TGFBRAP1: variants seen among roughly 807,000 people sequenced by gnomAD.
The protein encoded by TGFBRAP1 is transforming growth factor beta receptor associated protein 1, also known as transforming growth factor-beta receptor-associated protein 1.
TGFBRAP1 carries 20 observed loss-of-function variants against 83.2 expected under a neutral mutation model. The observed-to-expected ratio is 0.24, with a 90% CI of 0.17 to 0.35. TGFBRAP1 has a LOEUF of 0.35. TGFBRAP1 is among the 10% of genes least tolerant of loss of function. TGFBRAP1 has a pLI of 1.00. For missense variants in TGFBRAP1, 950 were observed against 1,099.4 expected (o/e 0.86, Z 1.92); for synonymous variants, 415 against 459.8 (o/e 0.90, Z 1.25).
the TGFBRAP1 span, among the ~76,000 whole-genome samples, chr2:105,253,833 A>C: frequency 6.6e-6 from 1 of 152,238 alleles, no homozygotes; most frequent in East Asian, 1.9e-4. Flanking sequence ...CAGTGTGTTT[A>C]TTGGAGGGTT....
At chr2:105,294,131 T>C (rs1678003506) in intron 4 of TGFBRAP1, among the ~76,000 whole-genome samples, 1 of 152,168 alleles carries the variant, frequency 6.6e-6, no homozygotes, top group South Asian at 2.1e-4. Context: ...GTCTGTGAAA[T>C]GAGGACAATT....
At chr2:105,285,800 A>C (rs1677698462) in intron 4 of TGFBRAP1, among the ~76,000 whole-genome samples, 1 of 152,232 alleles carries the variant, frequency 6.6e-6, no homozygotes, top group Non-Finnish European at 1.5e-5. Context: ...CAGGCTGCTT[A>C]AACCTTTCAG....
downstream of TGFBRAP1, among the ~76,000 whole-genome samples, chr2:105,263,509 G>A (rs554791051): frequency 7.9e-5 from 12 of 152,236 alleles, no homozygotes; most frequent in Admixed American, 1.3e-4. Context: ...TCAAGTATGC[G>A]TGAGTTCATG....
intron 2 of TGFBRAP1, 21 bp from the exon 3 acceptor site, chr2:105,298,726 T>G: frequency 6.5e-7 from 1 of 1,541,880 alleles, no homozygotes; most frequent in Non-Finnish European, 8.8e-7. Context: ...GAAGAAAGAG[T>G]TAGGTAGGCT....
the TGFBRAP1 span, among the ~76,000 whole-genome samples, chr2:105,250,876 C>T: frequency 6.6e-6 from 1 of 152,248 alleles, no homozygotes; most frequent in Non-Finnish European, 1.5e-5. Flanking sequence ...GGCTGGTCTC[C>T]AGCTCCTAAC....
At chr2:105,263,615 C>T (rs547910252), downstream of TGFBRAP1, among the ~76,000 whole-genome samples, 8 of 152,280 alleles carry the variant, frequency 5.3e-5, no homozygotes, top group East Asian at 1.2e-3. Flanking sequence ...TGGTGACTCA[C>T]GCCTGTAATC....
At chr2:105,250,301 C>T in the TGFBRAP1 span, among the ~76,000 whole-genome samples, 2 of 152,126 alleles carry the variant, frequency 1.3e-5, no homozygotes, top group African/African-American at 2.4e-5. Flanking sequence ...CCTGAAGATC[C>T]CCAAGGTCCA....
chr2:105,304,600 T>TGGTGAAACC (rs1678429406), intron 2 of TGFBRAP1, among the ~76,000 whole-genome samples: 1 of 152,152 alleles, frequency 6.6e-6, no homozygotes, highest in Non-Finnish European at 1.5e-5. Flanking sequence ...CTGGCCAACA[T>TGGTGAAACC]GGTGAAACCC....
At position 105,284,413 on chromosome 2, in the gene TGFBRAP1, G is replaced by A. The variant is rs147555393; in HGVS notation, c.1039-15C>T. ...CTGTACATTACCTGCAAGGAAAGAC[G>A]GGTGTAATCTCTTAGTGAATCTTGA... On this transcript the variant is annotated splice_polypyrimidine_tract_variant and intron_variant, in intron 4 of 11. Coordinates refer to ENST00000393359, the MANE Select transcript of TGFBRAP1 (RefSeq NM_004257.6). 1,711 of 1,612,426 alleles carry A rather than the reference G, an allele frequency of 1.1e-3. 5 individuals carry two copies. The highest frequency in any genetic ancestry group is 1.3e-3 in the Non-Finnish European group (1,550 of 1,178,582).
At chr2:105,282,412 G>A (rs576894232) in intron 5 of TGFBRAP1, among the ~76,000 whole-genome samples, 64 of 152,356 alleles carry the variant, frequency 4.2e-4, no homozygotes, top group Non-Finnish European at 7.1e-4. Context: ...CGGCACTGAG[G>A]AGTCAGAGGA....
At chr2:105,304,346 T>C (rs1193227115) in intron 2 of TGFBRAP1, among the ~76,000 whole-genome samples, 2 of 152,232 alleles carry the variant, frequency 1.3e-5, no homozygotes, top group Admixed American at 1.3e-4. Context: ...TATATAAGTT[T>C]ACATATGTTT....
chr2:105,321,993 C>CAGG (rs1679081385), intron 1 of TGFBRAP1, among the ~76,000 whole-genome samples: 1 of 152,172 alleles, frequency 6.6e-6, no homozygotes, highest in South Asian at 2.1e-4. Context: ...AACAGTCCTT[C>CAGG]AGGAGGACTC....
chr2:105,291,517 A>G (rs1042901750), intron 4 of TGFBRAP1, among the ~76,000 whole-genome samples: 2 of 152,242 alleles, frequency 1.3e-5, no homozygotes, highest in Non-Finnish European at 2.9e-5. Context: ...CTAAGGTGGT[A>G]GCAACTTATT....
In TGFBRAP1 at chr2:105,322,043, A is replaced by G. The variant is rs143425136; in HGVS notation, c.-18+7582T>C. 2.6e-4 allele frequency among the ~76,000 whole-genome samples: 40 copies of G among 152,244 alleles called. 2 individuals carry two copies. Among genetic ancestry groups the G allele is most frequent in the Middle Eastern group, 6.8e-3 (2 of 294 alleles). ...GTTATCACAGACAACAGCTCCACAC[A>G]TGTTACTGCCCCCGAAGACCTTCCA... On this transcript the variant is annotated intron_variant, in intron 1 of 11. Transcript: ENST00000393359.
At chr2:105,251,465 C>T in the TGFBRAP1 span, among the ~76,000 whole-genome samples, 2 of 151,696 alleles carry the variant, frequency 1.3e-5, no homozygotes, top group East Asian at 3.9e-4. Context: ...ACCGCCCCGT[C>T]TGAGAAGTGA....
intron 2 of TGFBRAP1, among the ~76,000 whole-genome samples, chr2:105,299,391 A>G (rs1481473617): frequency 6.6e-6 from 1 of 152,158 alleles, no homozygotes; most frequent in Non-Finnish European, 1.5e-5. Flanking sequence ...GTGACTTTCA[A>G]ATAGGGCGTA....
Position 105,287,892 on chromosome 2 carries a change from T to C in TGFBRAP1, c.1039-3494A>G, listed in dbSNP as rs538924183. 3.3e-5 allele frequency among the ~76,000 whole-genome samples: 5 copies of C among 152,032 alleles called. No individual in the cohort carries two copies. The South Asian group carries it at 8.3e-4, about 25-fold the overall frequency. On this transcript the variant is annotated intron_variant, in intron 4 of 11. Transcript: ENST00000393359. ...GAAAATCAGATTTTAAAAGGAAACTTCCTACAAGCACCTGGAACAACCACA... is the reference window on the plus strand; with the variant it reads ...GAAAATCAGATTTTAAAAGGAAACTCCCTACAAGCACCTGGAACAACCACA...
At chr2:105,256,712 G>C in the TGFBRAP1 span, among the ~76,000 whole-genome samples, 1 of 152,168 alleles carries the variant, frequency 6.6e-6, no homozygotes, top group Non-Finnish European at 1.5e-5. Context: ...CTGAACCAGA[G>C]CACTCCATCT....
At chr2:105,261,517 C>T (rs1252671396), downstream of TGFBRAP1, among the ~76,000 whole-genome samples, 5 of 152,134 alleles carry the variant, frequency 3.3e-5, no homozygotes, top group East Asian at 5.8e-4. Flanking sequence ...TTTGGGAGGC[C>T]GAGGTAGGAG....
Sources: allele counts gnomAD v4.1 joint callset (sites outside exome capture counted in the v4.1 genomes callset), GRCh38; gene constraint gnomAD v4.1.1; transcripts MANE v1.5; gene names NCBI Gene and HGNC (gene_info 2026-07-23, HGNC 2026-07-21).